NRG3: variants seen among roughly 807,000 people sequenced by gnomAD.
The protein encoded by NRG3 is neuregulin 3.
In NRG3, 31 loss-of-function variants were observed where a neutral mutation model predicts 66.9. The observed-to-expected ratio is 0.46, with a 90% CI of 0.35 to 0.63. The LOEUF is 0.63. Ranked by LOEUF, NRG3 falls within the 20% of genes least tolerant of loss-of-function variation. The pLI is 0.00. For synonymous variants in NRG3, 393 were observed against 359.4 expected (o/e 1.09, Z -1.06); for missense variants, 910 against 878.9 (o/e 1.04, Z -0.45).
intron 7 of NRG3, among the ~76,000 whole-genome samples, chr10:82,976,651 C>A (rs1049430005): frequency 6.6e-6 from 1 of 152,132 alleles, no homozygotes; most frequent in East Asian, 1.9e-4. Context: ...TGTTTTCTGC[C>A]TTGCCCTGTA....
chr10:82,953,408 T>A (rs1849718513), intron 5 of NRG3, among the ~76,000 whole-genome samples: 1 of 152,018 alleles, frequency 6.6e-6, no homozygotes, highest in Admixed American at 6.5e-5. Context: ...GTTCACATAG[T>A]CCTTCTGCTA....
intron 2 of NRG3, among the ~76,000 whole-genome samples, chr10:82,539,617 GC>G (rs2043389993): frequency 6.6e-6 from 1 of 151,622 alleles, no homozygotes; most frequent in Non-Finnish European, 1.5e-5. Context: ...CATCTTGACT[GC>G]CGTTTTTTTT....
intron 1 of NRG3, among the ~76,000 whole-genome samples, chr10:82,323,936 C>A (rs1057063456): frequency 2.0e-5 from 3 of 152,154 alleles, no homozygotes; most frequent in Non-Finnish European, 1.5e-5. Context: ...GCGATCTCGG[C>A]TCACTGCAAC....
intron 1 of NRG3, among the ~76,000 whole-genome samples, chr10:82,317,310 C>G (rs1449087961): frequency 6.6e-6 from 1 of 151,346 alleles, no homozygotes; most frequent in Non-Finnish European, 1.5e-5. Context: ...TTTTCCTCAT[C>G]TAAATGTCAG....
At chr10:82,592,321 G>A (rs909990849) in intron 2 of NRG3, among the ~76,000 whole-genome samples, 2 of 152,084 alleles carry the variant, frequency 1.3e-5, no homozygotes, top group African/African-American at 4.8e-5. Flanking sequence ...CAGTCCAATC[G>A]GCTAAAAGAA....
intron 2 of NRG3, among the ~76,000 whole-genome samples, chr10:82,544,294 T>C (rs2043744467): frequency 6.6e-6 from 1 of 152,184 alleles, no homozygotes; most frequent in South Asian, 2.1e-4. Context: ...CAATCCATAA[T>C]CTCCAGGAAC....
intron 2 of NRG3, among the ~76,000 whole-genome samples, chr10:82,591,144 C>T (rs12253504): frequency 0.017 from 2,532 of 152,244 alleles, 70 homozygotes; most frequent in African/African-American, 0.057. Context: ...CCTGAGCATA[C>T]GGCCCGGGTG....
chr10:82,231,471 G>T (rs1206626541), intron 1 of NRG3, among the ~76,000 whole-genome samples: 1 of 149,788 alleles, frequency 6.7e-6, no homozygotes, highest in Non-Finnish European at 1.5e-5. Flanking sequence ...AGAACAAAGT[G>T]AAATATTGAA....
At chr10:82,823,953 A>T (rs2062068170) in intron 3 of NRG3, among the ~76,000 whole-genome samples, 1 of 152,200 alleles carries the variant, frequency 6.6e-6, no homozygotes, top group East Asian at 1.9e-4. Flanking sequence ...CAGAGTTCTC[A>T]TCACCTGCCT....
intron 1 of NRG3, among the ~76,000 whole-genome samples, chr10:82,151,970 T>C (rs902515673): frequency 6.6e-6 from 1 of 152,184 alleles, no homozygotes. Flanking sequence ...ATTAAATAGA[T>C]AGAATATAAA....
chr10:82,144,333 A>G (rs1196407865), intron 1 of NRG3, among the ~76,000 whole-genome samples: 1 of 152,110 alleles, frequency 6.6e-6, no homozygotes, highest in Non-Finnish European at 1.5e-5. Context: ...AGCAGCTCTA[A>G]TAGGAATTGG....
chr10:82,550,958 T>C (rs2044268463), intron 2 of NRG3, among the ~76,000 whole-genome samples: 1 of 152,100 alleles, frequency 6.6e-6, no homozygotes, highest in South Asian at 2.1e-4. Context: ...TGAGACATAC[T>C]ACCAGATCCC....
chr10:82,878,842 C>T (rs1842054324), intron 4 of NRG3, among the ~76,000 whole-genome samples: 1 of 152,192 alleles, frequency 6.6e-6, no homozygotes, highest in South Asian at 2.1e-4. Flanking sequence ...AATCTAGGCA[C>T]TATCTGCTGC....
chr10:82,723,834 G>A (rs2057439853), intron 2 of NRG3, among the ~76,000 whole-genome samples: 1 of 151,780 alleles, frequency 6.6e-6, no homozygotes, highest in Admixed American at 6.6e-5. Context: ...ACAAAAATTA[G>A]CCAGGCATGG....
At chr10:82,527,654 G>C (rs977721128) in intron 2 of NRG3, among the ~76,000 whole-genome samples, 1 of 152,198 alleles carries the variant, frequency 6.6e-6, no homozygotes, top group African/African-American at 2.4e-5. Context: ...ACTGCCTTAA[G>C]AGCCTTGGAG....
rs186728864 is a variant in NRG3, at chr10:82,004,358, T to C, written c.823+128195T>C. On this transcript the variant is annotated intron_variant, in intron 1 of 8. Transcript: ENST00000372141. ...TTGCATGCTGATAGGGATAATCTAG[T>C]AGAGAGAAAGAAACTGATGACACAA... Among the ~76,000 whole-genome samples, 42 of 152,246 alleles carry C rather than the reference T, an allele frequency of 2.8e-4. No individual in the cohort carries two copies. The East Asian group carries it at 7.5e-3, about 27-fold the overall frequency.
At chr10:82,553,034 AACACACACACACAC>A (rs142641494) in intron 2 of NRG3, among the ~76,000 whole-genome samples, 1 of 146,572 alleles carries the variant, frequency 6.8e-6, no homozygotes, top group Non-Finnish European at 1.5e-5. Context: ...ATCACACACA[AACACACACACACAC>A]ACACACACAC....
chr10:82,827,064 A>G (rs369060552), intron 3 of NRG3: 39 of 305,472 alleles, frequency 1.3e-4, no homozygotes, highest in African/African-American at 8.5e-4. Flanking sequence ...TGAGTTTTAC[A>G]CTTTTCATTT....
chr10:82,981,306 G>T (rs555657911), intron 8 of NRG3, among the ~76,000 whole-genome samples: 4 of 152,300 alleles, frequency 2.6e-5, no homozygotes, highest in Non-Finnish European at 5.9e-5. Flanking sequence ...CCTGGCCACA[G>T]GTATTTTCCC....
Sources: gnomAD v4.1 joint callset for allele counts (sites outside exome capture counted in the v4.1 genomes callset) on GRCh38, gnomAD v4.1.1 for gene constraint, MANE v1.5 for transcripts, NCBI Gene and HGNC (gene_info 2026-07-23, HGNC 2026-07-21) for gene names.